Variants in TENT4B observed in about 807,000 individuals in gnomAD.
TENT4B encodes terminal nucleotidyltransferase 4B.
Under a neutral mutation model 75.0 loss-of-function variants are expected in TENT4B, and 10 were observed. The ratio of observed to expected loss-of-function variants is 0.13; its 90% confidence interval spans 0.08 to 0.23. The LOEUF is 0.23. TENT4B is among the 10% of genes least tolerant of loss of function. TENT4B has a pLI of 1.00. For synonymous variants in TENT4B, 350 were observed against 357.7 expected, an observed-to-expected ratio of 0.98 and a Z score of 0.24; for missense variants, 579 against 893.8, an observed-to-expected ratio of 0.65 and a Z score of 4.49.
At chr16:50,166,598 C>A (rs1341623885) in intron 1 of TENT4B, among the ~76,000 whole-genome samples, 4 of 151,826 alleles carry the variant, frequency 2.6e-5, no homozygotes, top group African/African-American at 4.8e-5. Context: ...TATTGTTGAG[C>A]TATAGGAGTT....
chr16:50,227,869 A>C lies in TENT4B; in HGVS notation c.1831A>C (p.Lys611Gln). The C allele has an allele frequency of 6.2e-7, 1 of 1,614,024 alleles. No individual in the cohort carries two copies. Among genetic ancestry groups the C allele is most frequent in the Non-Finnish European group, 8.5e-7 (1 of 1,179,892 alleles). ...DSDATPCKTP[K>Q]QLLCRPSTGN... ...CGATGCAACACCATGCAAAACCCCG[A>C]AACAGCTGCTTTGCCGTCCGTCCAC... The change falls in exon 11 of 12, where the codon AAA (lysine) becomes CAA (glutamine). Residue 611 changes from lysine to glutamine, a missense_variant. Physicochemically the swap from Lys to Gln is moderately conservative, Grantham distance 53. Transcript: ENST00000561678.
chr16:50,188,759 G>C (rs192416405), intron 1 of TENT4B, among the ~76,000 whole-genome samples: 1 of 152,322 alleles, frequency 6.6e-6, no homozygotes, highest in African/African-American at 2.4e-5. Context: ...GGCTGAGGCA[G>C]GAGGATTGCT....
chr16:50,176,912 T>A (rs2038322190), intron 1 of TENT4B, among the ~76,000 whole-genome samples: 1 of 152,180 alleles, frequency 6.6e-6, no homozygotes. Context: ...CTTTGGTTTC[T>A]TTTCTGTCTG....
intron 1 of TENT4B, among the ~76,000 whole-genome samples, chr16:50,186,369 ATCT>A: frequency 1.3e-5 from 2 of 151,852 alleles, no homozygotes; most frequent in African/African-American, 4.8e-5. Flanking sequence ...GGCTTTCATC[ATCT>A]AGCAGGCTGA....
intron 1 of TENT4B, among the ~76,000 whole-genome samples, chr16:50,205,287 A>G (rs929732208): frequency 3.3e-5 from 5 of 152,298 alleles, no homozygotes; most frequent in African/African-American, 7.2e-5. Flanking sequence ...AAAGGTGACA[A>G]CAAATCTCCT....
intron 1 of TENT4B, among the ~76,000 whole-genome samples, chr16:50,173,752 G>A (rs917961617): frequency 6.6e-6 from 1 of 152,158 alleles, no homozygotes; most frequent in African/African-American, 2.4e-5. Context: ...GGAGTGCAAT[G>A]GTACAATCTT....
chr16:50,201,287 A>G (rs2030630964), intron 1 of TENT4B, among the ~76,000 whole-genome samples: 1 of 152,150 alleles, frequency 6.6e-6, no homozygotes, highest in Non-Finnish European at 1.5e-5. Flanking sequence ...CTGTAATCCT[A>G]GCACTTTGGG....
At chr16:50,201,845 AAAAAG>A (rs920330702) in intron 1 of TENT4B, among the ~76,000 whole-genome samples, 23 of 150,850 alleles carry the variant, frequency 1.5e-4, no homozygotes, top group African/African-American at 5.4e-4. Context: ...AAAAAAAAAA[AAAAAG>A]CGGGCTGGAT....
intron 1 of TENT4B, among the ~76,000 whole-genome samples, chr16:50,182,038 G>A (rs1306242605): frequency 6.6e-6 from 1 of 152,172 alleles, no homozygotes; most frequent in Non-Finnish European, 1.5e-5. Context: ...AGGCCGAGGT[G>A]GGCAGATTGC....
intron 1 of TENT4B, among the ~76,000 whole-genome samples, chr16:50,205,906 G>A (rs897886403): frequency 5.3e-5 from 8 of 151,986 alleles, no homozygotes; most frequent in African/African-American, 7.3e-5. Context: ...CATGTCTAAC[G>A]CACACAAAAG....
Position 50,234,327 on chromosome 16 carries a change from G to A in TENT4B, c.*4999G>A, listed in dbSNP as rs2032384918. 6.1e-6 allele frequency: 6 copies of A among 980,400 alleles called. No individual in the cohort carries two copies. The highest frequency in any genetic ancestry group is 4.8e-5 in the South Asian group (1 of 20,858). 60.7% of individuals were successfully genotyped at this position (980,400 alleles called of 1,614,324 possible). ...GGTGGAATTGGGTAGGGGAGGGAAA[G>A]GAGGACTTGGAAAAGCATTCTCCAA... On this transcript the variant is annotated 3_prime_UTR_variant, in exon 12 of 12. Transcript: ENST00000561678.
At position 50,202,504 on chromosome 16, in the gene TENT4B, GT is replaced by G. The variant is rs1003303811; in HGVS notation, c.639-8811del. Among the ~76,000 whole-genome samples, 12 of 151,952 alleles carry G rather than the reference GT, an allele frequency of 7.9e-5. No homozygotes were observed. The East Asian group carries it at 1.4e-3, about 17-fold the overall frequency. On this transcript the variant is annotated intron_variant, in intron 1 of 11. Transcript: ENST00000561678. ...ATTAAACTTTGTTTATTTGTGCTTT[GT>G]TTTTTTTCTTCACTCAGATATTTGA... is the stretch of plus-strand genomic sequence containing the variant.
At chr16:50,225,506 G>A (rs2032009062) in intron 10 of TENT4B, among the ~76,000 whole-genome samples, 1 of 152,200 alleles carries the variant, frequency 6.6e-6, no homozygotes, top group Non-Finnish European at 1.5e-5. Context: ...GTACTCACCA[G>A]TAGATTCTGC....
intron 1 of TENT4B, among the ~76,000 whole-genome samples, chr16:50,170,213 G>T (rs1227709747): frequency 1.3e-5 from 2 of 151,958 alleles, no homozygotes; most frequent in African/African-American, 2.4e-5. Context: ...CAGAGATGGG[G>T]TTTCACTATG....
At chr16:50,163,540 C>T (rs2038040363) in intron 1 of TENT4B, among the ~76,000 whole-genome samples, 1 of 150,868 alleles carries the variant, frequency 6.6e-6, no homozygotes, top group South Asian at 2.1e-4. Flanking sequence ...GCTGGGACTA[C>T]AGGCGCCCGC....
chr16:50,178,166 A>G (rs1360200595), intron 1 of TENT4B, among the ~76,000 whole-genome samples: 1 of 146,492 alleles, frequency 6.8e-6, no homozygotes, highest in Non-Finnish European at 1.5e-5. Context: ...TTTTTTTTAA[A>G]GAAAAGCTGG....
chr16:50,214,070 T>C, intron 2 of TENT4B, 151 bp from the exon 3 acceptor site: 6 of 618,230 alleles, frequency 9.7e-6, no homozygotes, highest in Non-Finnish European at 2.9e-6. Context: ...CCCCGCTTCA[T>C]GAAGCTTGGG....
rs201019368 is a variant in TENT4B at position 50,164,176 on chromosome 16, A to AAAAG, written c.638+9933_638+9936dup. ...TCATCTCAAAAAAAATAAAAAATAAAAAAGAAAGAAAGAAAGAAATGGGAT... is the reference window on the plus strand; with the variant it reads ...TCATCTCAAAAAAAATAAAAAATAAAAAAGAAAGAAAGAAAGAAAGAAATGGGAT... On this transcript the variant is annotated intron_variant, in intron 1 of 11. Transcript: ENST00000561678. 3.3e-4 allele frequency among the ~76,000 whole-genome samples: 50 copies of AAAAG among 151,706 alleles called. 1 individual carries two copies. Among genetic ancestry groups the AAAAG allele is most frequent in the African/African-American group, 1.0e-3 (42 of 41,072 alleles).
intron 10 of TENT4B, among the ~76,000 whole-genome samples, chr16:50,225,686 CTTTT>C (rs1210292398): frequency 2.1e-5 from 3 of 143,598 alleles, no homozygotes. Context: ...TTGTTTTTTC[CTTTT>C]TTTTTTTTTT....
Sources: gnomAD v4.1 joint callset for allele counts (sites outside exome capture counted in the v4.1 genomes callset) on GRCh38, gnomAD v4.1.1 for gene constraint, MANE v1.5 for transcripts, NCBI Gene and HGNC (gene_info 2026-07-23, HGNC 2026-07-21) for gene names.